The following TTN variants were observed in gnomAD, a reference collection of about 807,000 sequenced individuals.
The protein encoded by TTN is titin, also known as connectin.
A neutral mutation model predicts 3,223.0 loss-of-function variants in TTN; 1,525 were observed. The observed-to-expected ratio is 0.47, with a 90% CI of 0.45 to 0.49. The LOEUF is 0.49. TTN is among the 20% of genes least tolerant of loss of function. TTN has a pLI of 0.00. For missense variants in TTN, 40,786 were observed against 43,424.0 expected (o/e 0.94, Z 5.40); for synonymous variants, 14,094 against 15,161.0 (o/e 0.93, Z 5.17).
intron 356 of TTN, 71 bp downstream of exon 356, chr2:178,536,867 T>G: frequency 7.3e-7 from 1 of 1,378,330 alleles, no homozygotes; most frequent in East Asian, 2.4e-5. Flanking sequence ...AAAATTTCTT[T>G]CTGTTTAAAA....
At chr2:178,745,242 T>G in intron 47 of TTN, 1 of 1,105,098 alleles carries the variant, frequency 9.0e-7, no homozygotes, top group Non-Finnish European at 1.1e-6. Context: ...CATATATGGT[T>G]TATCTGCTAA....
Position 178,553,985 on chromosome 2 carries a change from C to T in TTN, c.89126G>A (p.Cys29709Tyr). Residue 29709 changes from cysteine (C) to tyrosine (Y), a missense_variant, in exon 333 of 363, where the codon TGT becomes TAT. Cys to Tyr is a radical substitution (Grantham distance 194). Transcript: ENST00000589042. ...ACCCTGTCCAGCAGCGTTTACAGCA[C>T]AAACTCTGTATTGATAGTCACTGTT... ...TENSDYQYRV[C>Y]AVNAAGQGPF... 1 of 1,612,932 alleles carries T rather than the reference C, an allele frequency of 6.2e-7. No homozygotes were observed. Among genetic ancestry groups the T allele is most frequent in the Non-Finnish European group, 8.5e-7 (1 of 1,179,760 alleles).
At position 178,570,557 on chromosome 2, in the gene TTN, T is replaced by G. The variant is rs998111823; in HGVS notation, c.75575A>C (p.Glu25192Ala). ...CTTGACATTCACAGTAACTGATCTT[T>G]CTCCTGCAACATTTTTGGCCTTCAG... ...YILKAKNVAG[E>A]RSVTVNVKVL... The change falls in exon 326 of 363, where the codon GAA (glutamate) becomes GCA (alanine). Residue 25192 changes from glutamate to alanine, a missense_variant. By Grantham distance (107) the Glu-to-Ala change is moderately radical (BLOSUM62 -1). Coordinates refer to ENST00000589042, the MANE Select transcript of TTN (RefSeq NM_001267550.2). The G allele has an allele frequency of 6.2e-7, 1 of 1,613,350 alleles. No individual in the cohort carries two copies. The highest frequency in any genetic ancestry group is 1.7e-5 in the Admixed American group (1 of 59,966).
intron 159 of TTN, among the ~76,000 whole-genome samples, chr2:178,668,882 A>C (rs12998857): frequency 0.15 from 22,593 of 149,686 alleles, 2,210 homozygotes; most frequent in East Asian, 0.45. Flanking sequence ...ACCCCCCCCC[A>C]AAAAAAAAGG....
At position 178,534,358 on chromosome 2, in the gene TTN, C is replaced by A; in HGVS notation, c.102257G>T (p.Arg34086Ile). The A allele has an allele frequency of 6.2e-7, 1 of 1,611,726 alleles. No individual in the cohort carries two copies. Among genetic ancestry groups the A allele is most frequent in the South Asian group, 1.1e-5 (1 of 91,072 alleles). ...GTAATAACGCCGGTGTTTTAATGTT[C>A]TGATAACTTTAGTACTGACTCTTTC... ...KIERVSTKVIRTLKHRRYYHT... is the reference protein window; with the variant it reads ...KIERVSTKVIITLKHRRYYHT... Residue 34086 changes from arginine (R) to isoleucine (I), a missense_variant, in exon 358 of 363, where the codon AGA (arginine) becomes ATA (isoleucine). Physicochemically the swap from Arg to Ile is moderately conservative, Grantham distance 97 (BLOSUM62 -3). Coordinates refer to ENST00000589042, the MANE Select transcript of TTN (RefSeq NM_001267550.2).
intron 120 of TTN, among the ~76,000 whole-genome samples, 183 bp downstream of exon 120, chr2:178,692,314 C>T (rs142318410): frequency 6.6e-6 from 1 of 151,996 alleles, no homozygotes; most frequent in Non-Finnish European, 1.5e-5. Flanking sequence ...TTAGCGTGAT[C>T]TGGAGTTTAG....
chr2:178,541,203 A>G, intron 350 of TTN, 79 bp downstream of exon 350: 1 of 1,336,170 alleles, frequency 7.5e-7, no homozygotes, highest in East Asian at 2.6e-5. Context: ...AAGTCATAGA[A>G]CTATATATTT....
chr2:178,642,336 C>A lies in TTN; in HGVS notation c.40478-19G>T. On this transcript the variant is annotated intron_variant, in intron 218 of 362. Coordinates refer to ENST00000589042, the MANE Select transcript of TTN (RefSeq NM_001267550.2). ...CCAGGCACTTAAAAGAATATGATTT[C>A]AAATTTTGAAGTGAATTTATATAAA... 1 of 1,559,360 alleles carries A rather than the reference C, an allele frequency of 6.4e-7. No homozygotes were observed. Among genetic ancestry groups the A allele is most frequent in the East Asian group, 2.3e-5 (1 of 43,004 alleles).
chr2:178,527,646 T>C lies in TTN; in HGVS notation c.107480A>G (p.Lys35827Arg), dbSNP rs1481151279. ...SSQSVQMSAS[K>R]QEASFSSFSS... Reference sequence around the variant, plus strand: ...GAAACTGCTGAAGGAGGCCTCCTGCTTGGAGGCAGACATTTGGACTGACTG... The same window carrying C: ...GAAACTGCTGAAGGAGGCCTCCTGCCTGGAGGCAGACATTTGGACTGACTG... The change falls in exon 362 of 363, where the codon AAG becomes AGG. Residue 35827 changes from lysine to arginine, a missense_variant. By Grantham distance (26) the Lys-to-Arg change is conservative. Coordinates refer to ENST00000589042, the MANE Select transcript of TTN (RefSeq NM_001267550.2). 1.2e-6 allele frequency: 2 copies of C among 1,613,942 alleles called. No individual in the cohort carries two copies. The highest frequency in any genetic ancestry group is 8.5e-7 in the Non-Finnish European group (1 of 1,179,826).
At chr2:178,749,319 C>T (rs2154328930) in intron 47 of TTN, 1 of 1,612,274 alleles carries the variant, frequency 6.2e-7, no homozygotes, top group Non-Finnish European at 8.5e-7. Context: ...CTCTCTTTCC[C>T]TTCAGCCTGA....
Position 178,618,698 on chromosome 2 carries a change from C to T in TTN, c.46852G>A (p.Glu15618Lys). 1 of 1,612,108 alleles carries T rather than the reference C, an allele frequency of 6.2e-7. No individual in the cohort carries two copies. Residue 15618 changes from glutamate (E) to lysine (K), a missense_variant, in exon 251 of 363, where the codon GAA becomes AAA. Physicochemically the swap from Glu to Lys is moderately conservative, Grantham distance 56 (BLOSUM62 1). Coordinates refer to ENST00000589042, the MANE Select transcript of TTN (RefSeq NM_001267550.2). Reference sequence around the variant, plus strand: ...TCTAAAATTCTGAAAGAAGTTTGTTCAGCCGTAGTATCAATGGTTTTTGTA... The same window carrying T: ...TCTAAAATTCTGAAAGAAGTTTGTTTAGCCGTAGTATCAATGGTTTTTGTA... Reference protein sequence around the residue: ...LSTKTIDTTAEQTSFRILEAK... With the variant: ...LSTKTIDTTAKQTSFRILEAK...
intron 24 of TTN, 179 bp from the exon 25 acceptor site, chr2:178,778,154 A>G (rs1053520302): frequency 3.7e-6 from 3 of 808,446 alleles, no homozygotes; most frequent in African/African-American, 3.4e-5. Flanking sequence ...CCCCACAACT[A>G]TGTTTTTCCT....
chr2:178,578,641 G>T lies in TTN; in HGVS notation c.68299C>A (p.Pro22767Thr), dbSNP rs1358490975. 1 of 1,611,876 alleles carries T rather than the reference G, an allele frequency of 6.2e-7. No individual in the cohort carries two copies. Reference sequence around the variant, plus strand: ...ATTGGAGAACCACCAGTTTTCTTGGGGTCAGTCCAAGTTAGAGATACTGAA... The same window carrying T: ...ATTGGAGAACCACCAGTTTTCTTGGTGTCAGTCCAAGTTAGAGATACTGAA... Reference protein sequence around the residue: ...HDSVSLTWTDPKKTGGSPITG... With the variant: ...HDSVSLTWTDTKKTGGSPITG... The change falls in exon 321 of 363, where the codon CCC (proline) becomes ACC (threonine). Residue 22767 changes from proline to threonine, a missense_variant. Coordinates refer to ENST00000589042, the MANE Select transcript of TTN (RefSeq NM_001267550.2).
Position 178,567,880 on chromosome 2 carries a change from T to C in TTN, c.78252A>G (p.Val26084=). 1 of 1,613,594 alleles carries C rather than the reference T, an allele frequency of 6.2e-7. No individual in the cohort carries two copies. The highest frequency in any genetic ancestry group is 8.5e-7 in the Non-Finnish European group (1 of 1,179,604). ...GKASKNSECY[V]ARDPCDPPGT... is the part of the protein sequence containing the mutation. ...CTGGTGGGTCACAGGGATCTCTGGC[T>C]ACATAGCATTCAGAATTCTTGCTTG... The change falls in exon 326 of 363, where the codon GTA becomes GTG. Residue 26084 remains valine (V), a synonymous_variant. Coordinates refer to ENST00000589042, the MANE Select transcript of TTN (RefSeq NM_001267550.2).
In TTN at chr2:178,756,363, T is replaced by G; in HGVS notation, c.11113A>C (p.Arg3705=). ...TTTCCATTTTGTGATTGTTTCAGTC[T>G]CTCGGATTCCTCTATCTTTGCACCT... ...HEGAKIEESE[R]LKQSQNGNIQ... The change falls in exon 46 of 363, where the codon AGA becomes CGA. Residue 3705 remains arginine, a synonymous_variant. Coordinates refer to ENST00000589042, the MANE Select transcript of TTN (RefSeq NM_001267550.2). 1 of 1,613,848 alleles carries G rather than the reference T, an allele frequency of 6.2e-7. No individual in the cohort carries two copies.
Position 178,773,183 on chromosome 2 carries a change from A to G in TTN, c.7781T>C (p.Met2594Thr), listed in dbSNP as rs764016233. Residue 2594 changes from methionine (M) to threonine (T), a missense_variant, in exon 33 of 363, where the codon ATG (methionine) becomes ACG (threonine). By Grantham distance (81) the Met-to-Thr change is moderately conservative. Transcript: ENST00000589042. Reference sequence around the variant, plus strand: ...GTATTTTCCTTCATCATCTTTCATCATATTTAGAACTGTCAATTTATATAT... The same window carrying G: ...GTATTTTCCTTCATCATCTTTCATCGTATTTAGAACTGTCAATTTATATAT... The part of the protein sequence containing the change: ...GKIYKLTVLN[M>T]MKDDEGKYTF... 1.9e-6 allele frequency: 3 copies of G among 1,613,686 alleles called. No individual in the cohort carries two copies. Among genetic ancestry groups the G allele is most frequent in the Admixed American group, 3.3e-5 (2 of 59,956 alleles).
chr2:178,719,807 G>C lies in TTN; in HGVS notation c.23685C>G (p.Pro7895=), dbSNP rs755534186. The C allele has an allele frequency of 6.2e-7, 1 of 1,611,402 alleles. No individual in the cohort carries two copies. ...TTCCAGTAGTGACAGTCATGGGTTC[G>C]GGCTTCTCTATGATTCTTGCTGGTT... ...VLEPARIIEK[P]EPMTVTTGNP... is the part of the protein sequence containing the mutation. The change falls in exon 82 of 363, where the codon CCC becomes CCG. Residue 7895 remains proline, a synonymous_variant. Transcript: ENST00000589042.
intron 135 of TTN, 31 bp downstream of exon 135, chr2:178,682,665 GT>G: frequency 6.4e-7 from 1 of 1,563,366 alleles, no homozygotes; most frequent in Non-Finnish European, 8.7e-7. Context: ...CACATATTTA[GT>G]GTGGTTTTGA....
chr2:178,730,097 T>A lies in TTN; in HGVS notation c.18303A>T (p.Val6101=), dbSNP rs1334337532. The stretch of plus-strand genomic sequence containing the variant: ...GAGGAGATGTAGAGACCAGACCTTT[T>A]ACAAAGAGAGTGGCTTTGCTGGTTG... ...GTATSKATLF[V]KEPPQFIKKP... The change falls in exon 62 of 363, where the codon GTA becomes GTT. Residue 6101 remains valine (V), a synonymous_variant. Transcript: ENST00000589042. 6.8e-6 allele frequency: 11 copies of A among 1,610,908 alleles called. No individual in the cohort carries two copies. Among genetic ancestry groups the A allele is most frequent in the Admixed American group, 3.4e-5 (2 of 59,616 alleles).
Sources: gnomAD v4.1 joint callset for allele counts (sites outside exome capture counted in the v4.1 genomes callset) on GRCh38, gnomAD v4.1.1 for gene constraint, MANE v1.5 for transcripts, NCBI Gene and HGNC (gene_info 2026-07-23, HGNC 2026-07-21) for gene names.